The following CAMKMT variants were observed in gnomAD, a reference collection of about 807,000 sequenced individuals.
CAMKMT encodes CaM KMT.
CAMKMT carries 53 observed loss-of-function variants against 48.0 expected under a neutral mutation model. The observed-to-expected ratio is 1.10, with a 90% CI of 0.89 to 1.39. The LOEUF (loss-of-function observed/expected upper bound fraction) is 1.39, where lower values mean the gene tolerates loss of function less well. CAMKMT is among the 40% of genes most tolerant of loss of function. The pLI is 0.00. For synonymous variants in CAMKMT, 165 were observed against 152.3 expected (o/e 1.08, Z -0.61); for missense variants, 428 against 402.7 (o/e 1.06, Z -0.54).
intron 3 of CAMKMT, among the ~76,000 whole-genome samples, chr2:44,443,762 A>G (rs1558619730): frequency 6.6e-6 from 1 of 152,180 alleles, no homozygotes; most frequent in Non-Finnish European, 1.5e-5. Flanking sequence ...CTGCAATGAT[A>G]CTGAATTGTA....
chr2:44,690,971 A>G (rs1676621093), intron 3 of CAMKMT, among the ~76,000 whole-genome samples: 1 of 151,812 alleles, frequency 6.6e-6, no homozygotes, highest in Non-Finnish European at 1.5e-5. Flanking sequence ...GTGAGACTCC[A>G]TCTCAAAAAA....
At chr2:44,617,878 C>T (rs1022492431) in intron 3 of CAMKMT, among the ~76,000 whole-genome samples, 6 of 151,904 alleles carry the variant, frequency 3.9e-5, no homozygotes, top group African/African-American at 9.7e-5. Context: ...TTTGTCTGTT[C>T]GCAGGCAACG....
intron 3 of CAMKMT, among the ~76,000 whole-genome samples, chr2:44,502,428 T>C (rs1670052368): frequency 6.6e-6 from 1 of 152,178 alleles, no homozygotes; most frequent in South Asian, 2.1e-4. Context: ...CCCATGCCCT[T>C]GTACCCTTTT....
chr2:44,548,838 A>G (rs1229039588), intron 3 of CAMKMT, among the ~76,000 whole-genome samples: 2 of 152,174 alleles, frequency 1.3e-5, no homozygotes, highest in African/African-American at 4.8e-5. Flanking sequence ...GGTTGGAAGC[A>G]GAACTTTTTT....
intron 3 of CAMKMT, among the ~76,000 whole-genome samples, chr2:44,419,606 G>C (rs906377129): frequency 6.6e-6 from 1 of 152,206 alleles, no homozygotes; most frequent in African/African-American, 2.4e-5. Context: ...TTAAAAGACA[G>C]TCTCGCTCTG....
At chr2:44,650,120 T>C (rs372405677) in intron 3 of CAMKMT, among the ~76,000 whole-genome samples, 1 of 152,218 alleles carries the variant, frequency 6.6e-6, no homozygotes, top group East Asian at 1.9e-4. Flanking sequence ...AATTATTCTT[T>C]CACAGTTCTG....
intron 3 of CAMKMT, among the ~76,000 whole-genome samples, chr2:44,426,664 A>C (rs1684295738): frequency 6.6e-6 from 1 of 152,236 alleles, no homozygotes; most frequent in Admixed American, 6.5e-5. Flanking sequence ...CTGCTGAAAG[A>C]AATTATAGAT....
At chr2:44,424,725 T>C (rs1368398760) in intron 3 of CAMKMT, among the ~76,000 whole-genome samples, 1 of 152,140 alleles carries the variant, frequency 6.6e-6, no homozygotes, top group African/African-American at 2.4e-5. Context: ...GCTATGAGGA[T>C]GCAAAGAATG....
chr2:44,634,765 T>A (rs972259407), intron 3 of CAMKMT, among the ~76,000 whole-genome samples: 1 of 129,100 alleles, frequency 7.7e-6, no homozygotes, highest in Non-Finnish European at 1.5e-5. Flanking sequence ...GCAACTAGTC[T>A]GGTTTTATAG....
chr2:44,465,774 C>A (rs1046418052), intron 3 of CAMKMT, among the ~76,000 whole-genome samples: 1 of 152,074 alleles, frequency 6.6e-6, no homozygotes, highest in Non-Finnish European at 1.5e-5. Flanking sequence ...AAACTTCAAA[C>A]AATAAATGCT....
chr2:44,677,656 C>T lies in CAMKMT; in HGVS notation c.377-26627C>T, dbSNP rs182052715. 5.3e-3 allele frequency among the ~76,000 whole-genome samples: 809 copies of T among 151,730 alleles called. 1 individual carries two copies. The highest frequency in any genetic ancestry group is 0.014 in the Middle Eastern group (4 of 292). On this transcript the variant is annotated intron_variant, in intron 3 of 10. Coordinates refer to ENST00000378494, the MANE Select transcript of CAMKMT (RefSeq NM_024766.5). ...CAGGGAGGTGGATGTTGCAGTGAGC[C>T]GAGATGGCACCACTGCACTCCAGAC... is the stretch of plus-strand genomic sequence containing the variant.
chr2:44,446,397 A>G (rs940489197), intron 3 of CAMKMT, among the ~76,000 whole-genome samples: 4 of 151,760 alleles, frequency 2.6e-5, no homozygotes, highest in African/African-American at 9.7e-5. Context: ...CCCAGGCTGG[A>G]GTGTAGTGTT....
At chr2:44,624,470 C>T (rs1672367814) in intron 3 of CAMKMT, among the ~76,000 whole-genome samples, 1 of 152,076 alleles carries the variant, frequency 6.6e-6, no homozygotes, top group South Asian at 2.1e-4. Flanking sequence ...AATGCTGTCC[C>T]TCCCCTGTGC....
intron 3 of CAMKMT, among the ~76,000 whole-genome samples, chr2:44,637,591 T>A (rs1013107010): frequency 6.6e-6 from 1 of 152,110 alleles, no homozygotes; most frequent in Non-Finnish European, 1.5e-5. Flanking sequence ...ATTTTAATTT[T>A]TTTTTTCTGG....
At chr2:44,751,219 C>T (rs1680142161) in intron 8 of CAMKMT, among the ~76,000 whole-genome samples, 1 of 152,210 alleles carries the variant, frequency 6.6e-6, no homozygotes, top group African/African-American at 2.4e-5. Flanking sequence ...CCGCCTAACT[C>T]TAGTCATCTG....
intron 3 of CAMKMT, chr2:44,393,443 A>G (rs969996071): frequency 3.9e-5 from 6 of 152,238 alleles, no homozygotes; most frequent in Admixed American, 1.3e-4. Flanking sequence ...TGTGTGATAT[A>G]CGACCCAACC....
intron 3 of CAMKMT, among the ~76,000 whole-genome samples, chr2:44,518,405 T>TA (rs145467201): frequency 1.3e-5 from 2 of 152,090 alleles, no homozygotes; most frequent in African/African-American, 2.4e-5. Context: ...TTTTTGAAAA[T>TA]AAAAAACATA....
At chr2:44,456,436 C>T (rs1667566787) in intron 3 of CAMKMT, 1 of 1,165,800 alleles carries the variant, frequency 8.6e-7, no homozygotes, top group Non-Finnish European at 1.2e-6. Flanking sequence ...AGCCCTCTTA[C>T]CCTCTATTTC....
intron 3 of CAMKMT, among the ~76,000 whole-genome samples, chr2:44,416,560 T>C (rs940650971): frequency 6.7e-6 from 1 of 149,580 alleles, no homozygotes; most frequent in Non-Finnish European, 1.5e-5. Context: ...TATATTTCAC[T>C]TAGCATGATT....
Sources: gnomAD v4.1 joint callset for allele counts (sites outside exome capture counted in the v4.1 genomes callset) on GRCh38, gnomAD v4.1.1 for gene constraint, MANE v1.5 for transcripts, NCBI Gene and HGNC (gene_info 2026-07-23, HGNC 2026-07-21) for gene names.